Variants in AHRR observed in about 807,000 individuals in gnomAD.
The protein encoded by AHRR is ahR repressor.
A neutral mutation model predicts 44.0 loss-of-function variants in AHRR; 28 were observed. That is an observed-to-expected ratio of 0.64 (90% CI 0.47 to 0.87). The LOEUF is 0.87. AHRR is among the 40% of genes least tolerant of loss of function. The probability of loss-of-function intolerance (pLI) is 0.00; values close to 1 mark genes in which losing one functional copy is unlikely to be tolerated. For synonymous variants in AHRR, 434 were observed against 407.0 expected (o/e 1.07, Z -0.80); for missense variants, 990 against 953.9 (o/e 1.04, Z -0.50).
chr5:375,664 G>A (rs1177219633), intron 3 of AHRR, among the ~76,000 whole-genome samples: 1 of 152,252 alleles, frequency 6.6e-6, no homozygotes, highest in Non-Finnish European at 1.5e-5. Flanking sequence ...GGAGACGCGG[G>A]AGCAGCAGAT....
chr5:426,211 T>A (rs1736379547), intron 7 of AHRR, among the ~76,000 whole-genome samples: 1 of 152,222 alleles, frequency 6.6e-6, no homozygotes, highest in Non-Finnish European at 1.5e-5. Flanking sequence ...GATGGAAAGA[T>A]GGATGAATGG....
At chr5:376,472 A>T in intron 3 of AHRR, 138 bp from the exon 4 acceptor site, 1 of 626,134 alleles carries the variant, frequency 1.6e-6, no homozygotes. Context: ...TGGCCTGCAG[A>T]GGGGTCAGTG....
intron 4 of AHRR, among the ~76,000 whole-genome samples, chr5:391,339 G>A (rs1298968546): frequency 7.7e-6 from 1 of 130,514 alleles, no homozygotes; most frequent in East Asian, 2.0e-4. Context: ...GCAGGGCGAG[G>A]CGGGCGCAGG....
At chr5:391,270 G>A (rs1164515349) in intron 4 of AHRR, among the ~76,000 whole-genome samples, 2 of 152,088 alleles carry the variant, frequency 1.3e-5, no homozygotes, top group African/African-American at 4.8e-5. Context: ...TCTGCGGGGG[G>A]AGCTGAGGGC....
chr5:424,611 T>C (rs1423795676), intron 7 of AHRR, among the ~76,000 whole-genome samples: 3 of 152,148 alleles, frequency 2.0e-5, no homozygotes, highest in Non-Finnish European at 4.4e-5. Context: ...TGCAGTAGGT[T>C]TATACTCTAG....
chr5:422,390 A>AC (rs368166978), intron 5 of AHRR: 1 of 365,974 alleles, frequency 2.7e-6, no homozygotes, highest in African/African-American at 2.1e-5. Flanking sequence ...AAACCGAGTC[A>AC]CAAAGAGTCC....
At chr5:327,518 C>G (rs116586773) in intron 1 of AHRR, among the ~76,000 whole-genome samples, 10,012 of 152,248 alleles carry the variant, frequency 0.066, 526 homozygotes, top group Non-Finnish European at 0.088. Context: ...TTAATGACCT[C>G]CAGTTCCATC....
At position 387,177 on chromosome 5, in the gene AHRR, G is replaced by T. The variant is rs895765117; in HGVS notation, c.351+10461G>T. Among the ~76,000 whole-genome samples, 2 of 152,262 alleles carry T rather than the reference G, an allele frequency of 1.3e-5. No individual in the cohort carries two copies. The highest frequency in any genetic ancestry group is 2.4e-5 in the African/African-American group (1 of 41,464). On this transcript the variant is annotated intron_variant, in intron 4 of 10. Coordinates refer to ENST00000684583, the MANE Select transcript of AHRR (RefSeq NM_001377236.1). This position sits in a 1 kb window ranked among gnomAD's most constrained non-coding sequence, Gnocchi z 5.1. ...GTCTCTGGTGTGTTCCACACCTGCA[G>T]CTTGGGATGAGCCAGGACACGTGTC...
intron 10 of AHRR, among the ~76,000 whole-genome samples, chr5:433,396 ATC>A (rs1736831504): frequency 6.6e-6 from 1 of 151,888 alleles, no homozygotes; most frequent in African/African-American, 2.4e-5. Context: ...CCAGGTCACC[ATC>A]TCACAGTCAT....
intron 4 of AHRR, among the ~76,000 whole-genome samples, chr5:397,229 C>G (rs1734759781): frequency 8.8e-6 from 1 of 113,796 alleles, no homozygotes; most frequent in African/African-American, 3.4e-5. Context: ...CACGTAGCCC[C>G]TGACCATCCA....
intron 9 of AHRR, 91 bp downstream of exon 9, chr5:432,615 C>T (rs1025061333): frequency 5.2e-6 from 8 of 1,529,248 alleles, no homozygotes; most frequent in South Asian, 2.3e-5. Flanking sequence ...GAGATGTTGG[C>T]GTATTCCATG....
In AHRR at chr5:338,501, A is replaced by G. The variant is rs992814974; in HGVS notation, c.-10-5392A>G. ...TGTTTCTGATGAGGAATCTGCTGTC[A>G]TCTTATTTTTGATCCTTTGTACCCA... On this transcript the variant is annotated intron_variant, in intron 1 of 10. Coordinates refer to ENST00000684583, the MANE Select transcript of AHRR (RefSeq NM_001377236.1). The surrounding 1 kb of genome is among the most constrained non-coding windows in gnomAD (Gnocchi z 4.1). Among the ~76,000 whole-genome samples, 1 of 152,150 alleles carries G rather than the reference A, an allele frequency of 6.6e-6. No individual in the cohort carries two copies. Among genetic ancestry groups the G allele is most frequent in the Non-Finnish European group, 1.5e-5 (1 of 68,024 alleles).
intron 1 of AHRR, among the ~76,000 whole-genome samples, chr5:324,101 C>T (rs1741617244): frequency 6.6e-6 from 1 of 151,128 alleles, no homozygotes; most frequent in African/African-American, 2.5e-5. Flanking sequence ...GTTCTGTCAC[C>T]CAGGCTGGAG....
intron 7 of AHRR, chr5:427,589 G>A (rs1193759921): frequency 5.0e-6 from 8 of 1,606,894 alleles, no homozygotes; most frequent in African/African-American, 1.3e-5. Flanking sequence ...GAAACTGGGA[G>A]TGGGGGATGG....
chr5:350,556 C>G (rs1742824920), intron 2 of AHRR, among the ~76,000 whole-genome samples: 1 of 152,204 alleles, frequency 6.6e-6, no homozygotes, highest in African/African-American at 2.4e-5. Flanking sequence ...TCTCTCCCAT[C>G]TCTCTGGCGC....
chr5:378,592 G>T (rs1213856902), intron 4 of AHRR, among the ~76,000 whole-genome samples: 3 of 152,244 alleles, frequency 2.0e-5, no homozygotes, highest in Admixed American at 1.3e-4. Flanking sequence ...ACAGCCCGTG[G>T]CTTCCCCTGG....
At chr5:339,601 C>T (rs1742263024) in intron 1 of AHRR, among the ~76,000 whole-genome samples, 1 of 152,130 alleles carries the variant, frequency 6.6e-6, no homozygotes, top group African/African-American at 2.4e-5. Context: ...TACACCACAG[C>T]TTTGCCTTGT....
intron 2 of AHRR, among the ~76,000 whole-genome samples, chr5:349,579 CAAA>C (rs35232794): frequency 3.9e-5 from 5 of 129,566 alleles, no homozygotes; most frequent in Non-Finnish European, 6.6e-5. Flanking sequence ...GACTCCGTCT[CAAA>C]AAAAAAAAAA....
At chr5:359,944 G>A (rs1374004645) in intron 3 of AHRR, among the ~76,000 whole-genome samples, 1 of 152,140 alleles carries the variant, frequency 6.6e-6, no homozygotes, top group Non-Finnish European at 1.5e-5. Context: ...ACTTTATTAA[G>A]GTAAATCATG....
Sources: allele counts gnomAD v4.1 joint callset (sites outside exome capture counted in the v4.1 genomes callset), GRCh38; gene constraint gnomAD v4.1.1; non-coding constraint Gnocchi (gnomAD v3.1); transcripts MANE v1.5; gene names NCBI Gene and HGNC (gene_info 2026-07-23, HGNC 2026-07-21).